Variants in RAB34 observed in about 807,000 individuals in gnomAD.
RAB34 encodes the protein ras-related protein Rab-34.
In RAB34, 33 loss-of-function variants were observed where a neutral mutation model predicts 39.0. That is an observed-to-expected ratio of 0.85 (90% CI 0.64 to 1.13). The LOEUF is 1.13. Among genes scored for constraint, RAB34 ranks in the 50% most tolerant of loss-of-function variants. RAB34 has a pLI of 0.00. For synonymous variants in RAB34, 135 were observed against 125.1 expected (o/e 1.08, Z -0.53); for missense variants, 289 against 326.1 (o/e 0.89, Z 0.88).
chr17:28,717,082 G>T, intron 1 of RAB34, 88 bp from the exon 2 acceptor site: 1 of 1,561,484 alleles, frequency 6.4e-7, no homozygotes, highest in Non-Finnish European at 8.7e-7. Flanking sequence ...TGGAGTGCAG[G>T]GACCACCCAG....
In RAB34 at chr17:28,715,692, C is replaced by A. The variant is rs988904564; in HGVS notation, c.328G>T (p.Gly110Trp). The A allele has an allele frequency of 6.2e-7, 1 of 1,614,036 alleles. No individual in the cohort carries two copies. The highest frequency in any genetic ancestry group is 8.5e-7 in the Non-Finnish European group (1 of 1,180,030). The change falls in exon 5 of 10, where the codon GGG (glycine) becomes TGG (tryptophan). Residue 110 changes from glycine (G) to tryptophan (W), a missense_variant. Physicochemically the swap from Gly to Trp is radical, Grantham distance 184. Coordinates refer to ENST00000395245, the MANE Select transcript of RAB34 (RefSeq NM_031934.6). ...GCAATGCATTTGAACCTCTCCTGCC[C>A]AGCGGTATCCCAACTGGAAGGAAGG... ...PFSLQLWDTA[G>W]QERFKCIAST...
chr17:28,718,127 C>A (rs1365390963), upstream of RAB34: 1 of 1,610,364 alleles, frequency 6.2e-7, no homozygotes. Flanking sequence ...CTTACCCAGC[C>A]GAATTGGTGA....
chr17:28,718,031 G>T, upstream of RAB34: 1 of 1,134,144 alleles, frequency 8.8e-7, no homozygotes, highest in Non-Finnish European at 1.1e-6. Context: ...GGACCGCCCC[G>T]ACCCAGGCTG....
In RAB34 at chr17:28,715,500, G is replaced by T. The variant is rs1245949932; in HGVS notation, c.387C>A (p.Ile129=). 6.2e-7 allele frequency: 1 copy of T among 1,613,998 alleles called. No homozygotes were observed. Among genetic ancestry groups the T allele is most frequent in the Non-Finnish European group, 8.5e-7 (1 of 1,180,046 alleles). ...STYYRGAQAI[I]IVFNLNDVAS... Reference sequence around the variant, plus strand: ...CCACATCATTCAGGTTGAAGACAATGATGATGGCTGGAAGAGTGGCAGAAA... The same window carrying T: ...CCACATCATTCAGGTTGAAGACAATTATGATGGCTGGAAGAGTGGCAGAAA... Residue 129 remains isoleucine (I), a synonymous_variant, in exon 6 of 10, where the codon ATC becomes ATA. Transcript: ENST00000395245.
chr17:28,717,879 C>T, upstream of RAB34: 1 of 1,360,640 alleles, frequency 7.3e-7, no homozygotes. Context: ...AACACGATCC[C>T]CGGAAATTCC....
chr17:28,714,502 C>T lies in RAB34; in HGVS notation c.*141G>A, dbSNP rs1294542467. ...AGTGACTAGCATGATCCCAGCTACC[C>T]CTCTGTGGGAATACTGCCACCAAGA... On this transcript the variant is annotated 3_prime_UTR_variant, in exon 10 of 10. Coordinates refer to ENST00000395245, the MANE Select transcript of RAB34 (RefSeq NM_031934.6). The T allele has an allele frequency of 7.0e-6, 11 of 1,576,984 alleles. No homozygotes were observed. The highest frequency in any genetic ancestry group is 9.6e-6 in the Non-Finnish European group (11 of 1,148,856).
rs1452025586 is a variant in RAB34, at chr17:28,714,800, A to G, written c.705T>C (p.Asp235=). The G allele has an allele frequency of 6.2e-7, 1 of 1,614,118 alleles. No homozygotes were observed. The highest frequency in any genetic ancestry group is 2.2e-5 in the East Asian group (1 of 44,886). ...LEKSGARRIG[D]VVRINSDDSN... is the part of the protein sequence containing the mutation. ...AACCAGGCAAGCACTCACGGACAAC[A>G]TCCCCAATGCGTCGAGCCCCCGATT... Residue 235 remains aspartate, a synonymous_variant, in exon 9 of 10, where the codon GAT becomes GAC. Transcript: ENST00000395245.
In RAB34 at chr17:28,714,449, G is replaced by T; in HGVS notation, c.*194C>A. Reference sequence around the variant, plus strand: ...TCCCCTGAGGAGTAGGGGGCATCCAGTCTTTGGCACGGTGCCTGGGGGCAG... The same window carrying T: ...TCCCCTGAGGAGTAGGGGGCATCCATTCTTTGGCACGGTGCCTGGGGGCAG... On this transcript the variant is annotated 3_prime_UTR_variant, in exon 10 of 10. Coordinates refer to ENST00000395245, the MANE Select transcript of RAB34 (RefSeq NM_031934.6). The T allele has an allele frequency of 8.1e-7, 1 of 1,235,092 alleles. No individual in the cohort carries two copies. The highest frequency in any genetic ancestry group is 1.2e-6 in the Non-Finnish European group (1 of 854,606). 76.5% of individuals were successfully genotyped at this position (1,235,092 alleles called of 1,614,324 possible). A position where few individuals can be genotyped will look rare whatever the true frequency, so the allele number is the denominator to read the frequency against.
In RAB34 at chr17:28,714,544, G is replaced by A. The variant is rs376505828; in HGVS notation, c.*99C>T. 12 of 1,611,976 alleles carry A rather than the reference G, an allele frequency of 7.4e-6. No homozygotes were observed. The East Asian group carries it at 1.3e-4, about 18-fold the overall frequency. ...CCACCAAGAGGCAGCTCTTTGGTCT[G>A]GATAAAGTCAGTGCAAATGTCCAGG... On this transcript the variant is annotated 3_prime_UTR_variant, in exon 10 of 10. Coordinates refer to ENST00000395245, the MANE Select transcript of RAB34 (RefSeq NM_031934.6).
rs1240310759 is a variant in RAB34 at position 28,716,932 on chromosome 17, G to C, written c.117C>G (p.Ala39=). Residue 39 remains alanine (A), a synonymous_variant, in exon 2 of 10, where the codon GCC becomes GCG. Coordinates refer to ENST00000395245, the MANE Select transcript of RAB34 (RefSeq NM_031934.6). The part of the protein sequence containing the change: ...HKDFHPRVTC[A]CQEHRTGTVG... ...CGGTGCCTGTCCGGTGCTCCTGGCAGGCGCAGGTGACGCGGGGGTGGAAGT... is the reference window on the plus strand; with the variant it reads ...CGGTGCCTGTCCGGTGCTCCTGGCACGCGCAGGTGACGCGGGGGTGGAAGT... 1 of 1,613,496 alleles carries C rather than the reference G, an allele frequency of 6.2e-7. No homozygotes were observed. The highest frequency in any genetic ancestry group is 8.5e-7 in the Non-Finnish European group (1 of 1,179,912).
intron 1 of RAB34, 40 bp downstream of exon 1, chr17:28,717,173 C>G (rs80100419): frequency 3.2e-6 from 5 of 1,571,404 alleles, no homozygotes; most frequent in East Asian, 2.3e-5. Context: ...GCCCACACCC[C>G]GGGCTGTAGA....
intron 2 of RAB34, chr17:28,716,262 A>G: frequency 1.6e-6 from 1 of 636,542 alleles, no homozygotes. Flanking sequence ...CATGAATTTG[A>G]ATCCCAGCTC....
At chr17:28,716,649 C>T (rs545594274) in intron 2 of RAB34, 2 of 418,152 alleles carry the variant, frequency 4.8e-6, no homozygotes, top group Admixed American at 4.1e-5. Context: ...GAGCAGGTGA[C>T]CACCTTCCCA....
At chr17:28,718,426 TG>T (rs143466091), upstream of RAB34, 1,458 of 549,622 alleles carry the variant, frequency 2.7e-3, 13 homozygotes, top group African/African-American at 0.033. Flanking sequence ...CTGTGTAGAT[TG>T]TGAGGTGGGA....
chr17:28,715,535 G>A (rs769096086), intron 5 of RAB34, 28 bp from the exon 6 acceptor site: 8 of 1,613,998 alleles, frequency 5.0e-6, no homozygotes, highest in African/African-American at 1.3e-5. Flanking sequence ...ACAGCCCCAG[G>A]TTGACAGGGA....
Position 28,717,658 on chromosome 17 carries a change from C to G in RAB34, c.-392G>C. 1.5e-6 allele frequency: 2 copies of G among 1,365,194 alleles called. No individual in the cohort carries two copies. The highest frequency in any genetic ancestry group is 1.9e-6 in the Non-Finnish European group (2 of 1,064,252). The allele number at this position is 1,365,194 out of a possible 1,614,324, so 84.6% of individuals were successfully genotyped here. A position where few individuals can be genotyped will look rare whatever the true frequency, so the allele number is the denominator to read the frequency against. On this transcript the variant is annotated 5_prime_UTR_variant, in exon 1 of 10. Coordinates refer to ENST00000395245, the MANE Select transcript of RAB34 (RefSeq NM_031934.6). ...GGGGCCGGATGGTTCCTACAATAACCCGGGGCCGCGGAGACCCGACGTCAT... is the reference window on the plus strand; with the variant it reads ...GGGGCCGGATGGTTCCTACAATAACGCGGGGCCGCGGAGACCCGACGTCAT...
At position 28,717,516 on chromosome 17, in the gene RAB34, C is replaced by G; in HGVS notation, c.-250G>C. ...CGGGCCCTGGGCGTCCCGAAGATGA[C>G]TCTGGGGCGAGGAGACTCTTCGGCC... On this transcript the variant is annotated 5_prime_UTR_variant, in exon 1 of 10. Coordinates refer to ENST00000395245, the MANE Select transcript of RAB34 (RefSeq NM_031934.6). The G allele has an allele frequency of 2.1e-6, 3 of 1,427,990 alleles. No homozygotes were observed. The highest frequency in any genetic ancestry group is 2.7e-6 in the Non-Finnish European group (3 of 1,093,896). 88.5% of individuals were successfully genotyped at this position (1,427,990 alleles called of 1,614,324 possible). A position where few individuals can be genotyped will look rare whatever the true frequency, so the allele number is the denominator to read the frequency against.
At chr17:28,717,973 T>C (rs910264041), upstream of RAB34, 14 of 960,088 alleles carry the variant, frequency 1.5e-5, 1 homozygote, top group South Asian at 2.7e-4. Context: ...TCCACCCTTC[T>C]GCGTTGCCCC....
At chr17:28,715,614 C>T (rs2033253934) in intron 5 of RAB34, 27 bp downstream of exon 5, 2 of 1,613,980 alleles carry the variant, frequency 1.2e-6, no homozygotes, top group Non-Finnish European at 8.5e-7. Context: ...CTGAGACCCA[C>T]CTACCCCACT....
Sources: gnomAD v4.1 joint callset for allele counts on GRCh38, gnomAD v4.1.1 for gene constraint, MANE v1.5 for transcripts, NCBI Gene and HGNC (gene_info 2026-07-23, HGNC 2026-07-21) for gene names.